The following AGPAT3 variants were observed in gnomAD, a reference collection of about 807,000 sequenced individuals.
The protein encoded by AGPAT3 is 1-acyl-sn-glycerol-3-phosphate acyltransferase gamma.
Under a neutral mutation model 47.3 loss-of-function variants are expected in AGPAT3, and 5 were observed. The ratio of observed to expected loss-of-function variants is 0.11; its 90% CI spans 0.06 to 0.22. The LOEUF is 0.22. Ranked by LOEUF, AGPAT3 falls within the 10% of genes least tolerant of loss-of-function variation. The pLI, the probability that AGPAT3 is intolerant of heterozygous loss-of-function variation, is 1.00. For missense variants in AGPAT3, 315 were observed against 493.0 expected (o/e 0.64, Z 3.42); for synonymous variants, 212 against 208.3 (o/e 1.02, Z -0.15).
chr21:43,955,152 G>T lies in AGPAT3; in HGVS notation c.-48-4482G>T, dbSNP rs1391012378. 1.6e-6 allele frequency: 2 copies of T among 1,277,874 alleles called. No individual in the cohort carries two copies. The highest frequency in any genetic ancestry group is 1.0e-6 in the Non-Finnish European group (1 of 981,632). The allele number at this position is 1,277,874 out of a possible 1,614,324, so 79.2% of individuals were successfully genotyped here. A position where few individuals can be genotyped will look rare whatever the true frequency, so the allele number is the denominator to read the frequency against. ...CACTCAGCAGCCACGGATGCGCCCT[G>T]GGTGCTGTCCCGGGGCCGTCTCAGA... On this transcript the variant is annotated intron_variant, in intron 2 of 9. Transcript: ENST00000291572. This position sits in a 1 kb window ranked among gnomAD's most constrained non-coding sequence, Gnocchi z 4.1.
At chr21:43,951,713 G>T (rs926027414) in intron 2 of AGPAT3, among the ~76,000 whole-genome samples, 1 of 152,176 alleles carries the variant, frequency 6.6e-6, no homozygotes, top group African/African-American at 2.4e-5. Flanking sequence ...GGCATGAAAG[G>T]CTCATGGATA....
intron 1 of AGPAT3, among the ~76,000 whole-genome samples, chr21:43,872,367 GAC>G (rs1430169219): frequency 3.9e-5 from 6 of 152,060 alleles, no homozygotes; most frequent in South Asian, 4.2e-4. Context: ...TTTTAGTAGA[GAC>G]AGGGTTTCAC....
intron 2 of AGPAT3, among the ~76,000 whole-genome samples, chr21:43,935,721 T>C (rs2087423723): frequency 6.6e-6 from 1 of 152,014 alleles, no homozygotes; most frequent in African/African-American, 2.4e-5. Context: ...TTTTTTTTTT[T>C]CCTTATCACG....
Position 43,970,252 on chromosome 21 carries a change from C to T in AGPAT3, c.511-401C>T, listed in dbSNP as rs188673778. 7.9e-5 allele frequency among the ~76,000 whole-genome samples: 12 copies of T among 152,262 alleles called. No individual in the cohort carries two copies. The highest frequency in any genetic ancestry group is 5.8e-4 in the East Asian group (3 of 5,182). ...TGAACTCCTGACCTCATGATCCACC[C>T]GCCTCGGCCTCCTAAAGTGCTGGGA... is the stretch of plus-strand genomic sequence containing the variant. On this transcript the variant is annotated intron_variant, in intron 5 of 9. Coordinates refer to ENST00000291572, the MANE Select transcript of AGPAT3 (RefSeq NM_020132.5). The surrounding 1 kb of genome is among the most constrained non-coding windows in gnomAD (Gnocchi z 5.8).
intron 1 of AGPAT3, among the ~76,000 whole-genome samples, chr21:43,885,109 G>T (rs908803753): frequency 2.0e-5 from 3 of 152,200 alleles, no homozygotes; most frequent in Admixed American, 6.5e-5. Flanking sequence ...GTGTACACTG[G>T]CCGGCCGTGC....
rs1382032094 is a variant in AGPAT3, at chr21:43,933,474, A to G, written c.-48-26160A>G. Among the ~76,000 whole-genome samples, 1 of 151,988 alleles carries G rather than the reference A, an allele frequency of 6.6e-6. No homozygotes were observed. Among genetic ancestry groups the G allele is most frequent in the Non-Finnish European group, 1.5e-5 (1 of 68,002 alleles). On this transcript the variant is annotated intron_variant, in intron 2 of 9. Coordinates refer to ENST00000291572, the MANE Select transcript of AGPAT3 (RefSeq NM_020132.5). This position sits in a 1 kb window ranked among gnomAD's most constrained non-coding sequence, Gnocchi z 6.0. Reference sequence around the variant, plus strand: ...TTTTCTCCATGGGGAAAGGTTTGGGAATATCGATGATGTCATCATACTCCT... The same window carrying G: ...TTTTCTCCATGGGGAAAGGTTTGGGGATATCGATGATGTCATCATACTCCT...
intron 2 of AGPAT3, among the ~76,000 whole-genome samples, chr21:43,926,636 CTTTTTTTTTT>C (rs557494803): frequency 5.8e-5 from 5 of 86,536 alleles, no homozygotes; most frequent in South Asian, 4.7e-4. Flanking sequence ...CTACGCTGGC[CTTTTTTTTTT>C]TTTTTTTTTT....
intron 7 of AGPAT3, among the ~76,000 whole-genome samples, chr21:43,975,468 T>C (rs2089580888): frequency 6.6e-6 from 1 of 152,190 alleles, no homozygotes; most frequent in Admixed American, 6.5e-5. Flanking sequence ...CAGCTTTCAC[T>C]TCTGATGGGG....
intron 2 of AGPAT3, among the ~76,000 whole-genome samples, chr21:43,918,305 C>T (rs2086803681): frequency 6.6e-6 from 1 of 150,468 alleles, no homozygotes; most frequent in Admixed American, 6.6e-5. Context: ...GGGTGTGGAT[C>T]AATTGTTGTC....
intron 2 of AGPAT3, among the ~76,000 whole-genome samples, chr21:43,948,931 C>T (rs1471086721): frequency 6.6e-6 from 1 of 152,212 alleles, no homozygotes; most frequent in Non-Finnish European, 1.5e-5. Flanking sequence ...ACAGCTGCTC[C>T]TAGTCAGTGA....
Position 43,959,706 on chromosome 21 carries a change from A to G in AGPAT3, c.25A>G (p.Thr9Ala), listed in dbSNP as rs769446183. MGLLAFLK[T>A]QFVLHLLVGF... The stretch of plus-strand genomic sequence containing the variant: ...CATGGGCCTGCTGGCCTTCCTGAAG[A>G]CCCAGTTCGTGCTGCACCTGCTGGT... Residue 9 changes from threonine to alanine, a missense_variant, in exon 3 of 10, where the codon ACC becomes GCC. Coordinates refer to ENST00000291572, the MANE Select transcript of AGPAT3 (RefSeq NM_020132.5). 1 of 1,613,518 alleles carries G rather than the reference A, an allele frequency of 6.2e-7. No homozygotes were observed. The highest frequency in any genetic ancestry group is 8.5e-7 in the Non-Finnish European group (1 of 1,179,888).
chr21:43,941,338 G>A (rs1227156980), intron 2 of AGPAT3, among the ~76,000 whole-genome samples: 1 of 152,190 alleles, frequency 6.6e-6, no homozygotes, highest in Non-Finnish European at 1.5e-5. Flanking sequence ...CACTGCAGGT[G>A]ACACAGGCAG....
chr21:43,955,278 A>G lies in AGPAT3; in HGVS notation c.-48-4356A>G, dbSNP rs1346950080. 8.6e-7 allele frequency: 1 copy of G among 1,158,404 alleles called. No homozygotes were observed. The highest frequency in any genetic ancestry group is 7.1e-5 in the East Asian group (1 of 14,064). 71.8% of individuals were successfully genotyped at this position (1,158,404 alleles called of 1,614,324 possible). ...CTATAGAGCTGGAAAGCTGACCTGC[A>G]TTGTCAGGCTGGGTGGGGAAGGACT... On this transcript the variant is annotated intron_variant, in intron 2 of 9. Transcript: ENST00000291572. The surrounding 1 kb of genome is among the most constrained non-coding windows in gnomAD (Gnocchi z 4.1).
At chr21:43,972,601 G>C (rs2089443049) in intron 7 of AGPAT3, among the ~76,000 whole-genome samples, 1 of 152,160 alleles carries the variant, frequency 6.6e-6, no homozygotes, top group Non-Finnish European at 1.5e-5. Context: ...CCTTGGGGCA[G>C]TGTGTCTCTT....
chr21:43,878,197 G>T (rs1209565678), intron 1 of AGPAT3, among the ~76,000 whole-genome samples: 1 of 152,042 alleles, frequency 6.6e-6, no homozygotes, highest in Non-Finnish European at 1.5e-5. Flanking sequence ...TGCCCCACTG[G>T]CCACACTCTG....
At position 43,972,239 on chromosome 21, in the gene AGPAT3, G is replaced by A. The variant is rs142859651; in HGVS notation, c.767+749G>A. ...GGCTCACTGCAACCTCCGCCTCCCC[G>A]GTTCAAGCAATTCTCCTGTCTCAGC... On this transcript the variant is annotated intron_variant, in intron 7 of 9. Transcript: ENST00000291572. Among the ~76,000 whole-genome samples, 345 of 152,122 alleles carry A rather than the reference G, an allele frequency of 2.3e-3. 3 individuals are homozygous for A. The highest frequency in any genetic ancestry group is 7.6e-3 in the African/African-American group (314 of 41,498).
At chr21:43,925,495 C>T (rs1019003177) in intron 2 of AGPAT3, 1 of 152,410 alleles carries the variant, frequency 6.6e-6, no homozygotes, top group Non-Finnish European at 1.5e-5. Context: ...CTCTTTCTTC[C>T]CTGGCTGACT....
chr21:43,969,032 GA>G, intron 4 of AGPAT3, 85 bp from the exon 5 acceptor site: 1 of 1,426,962 alleles, frequency 7.0e-7, no homozygotes, highest in Non-Finnish European at 9.7e-7. Flanking sequence ...CACCACACAG[GA>G]GCTGGGTGCA....
At chr21:43,972,798 G>C (rs1043027833) in intron 7 of AGPAT3, among the ~76,000 whole-genome samples, 1 of 152,218 alleles carries the variant, frequency 6.6e-6, no homozygotes, top group African/African-American at 2.4e-5. Flanking sequence ...GAGGCACGAA[G>C]AAACCGTGCG....
Sources: gnomAD v4.1 joint callset for allele counts (sites outside exome capture counted in the v4.1 genomes callset) on GRCh38, gnomAD v4.1.1 for gene constraint, Gnocchi (gnomAD v3.1) non-coding constraint, MANE v1.5 for transcripts, NCBI Gene and HGNC (gene_info 2026-07-23, HGNC 2026-07-21) for gene names.